Variants in OCRL observed in about 807,000 individuals in gnomAD.
OCRL encodes the protein inositol polyphosphate 5-phosphatase OCRL.
In OCRL, 8 loss-of-function variants were observed where a neutral mutation model predicts 78.9. The ratio of observed to expected loss-of-function variants is 0.10; its 90% CI spans 0.06 to 0.18. OCRL has a LOEUF of 0.18. Among genes scored for constraint, OCRL ranks in the 10% least tolerant of loss-of-function variants. The pLI, the probability that OCRL is intolerant of heterozygous loss-of-function variation, is 1.00. For synonymous variants in OCRL, 240 were observed against 235.4 expected, an observed-to-expected ratio of 1.02 and a Z score of -0.18; for missense variants, 454 against 696.7, an observed-to-expected ratio of 0.65 and a Z score of 3.92.
At chrX:129,588,323 C>T (rs1357466024) in intron 21 of OCRL, 60 bp downstream of exon 21, 32 of 808,723 alleles carry the variant, frequency 4.0e-5, no homozygotes, top group Non-Finnish European at 6.0e-5. Flanking sequence ...CTCTTCTTCG[C>T]ACCTATATTT....
At chrX:129,551,561 A>C (rs1253859557) in intron 4 of OCRL, among the ~76,000 whole-genome samples, 2 of 111,297 alleles carry the variant, frequency 1.8e-5, no homozygotes, top group Admixed American at 1.9e-4. Flanking sequence ...CAGCCTCCCG[A>C]GTAGCTGGGA....
chrX:129,578,019 C>T (rs1936394293), intron 18 of OCRL, among the ~76,000 whole-genome samples: 1 of 111,054 alleles, frequency 9.0e-6, no homozygotes, highest in Non-Finnish European at 1.9e-5. Context: ...ATGGAAAGAA[C>T]AGTACAACAC....
At chrX:129,582,666 A>G (rs1936458335) in intron 18 of OCRL, among the ~76,000 whole-genome samples, 1 of 112,317 alleles carries the variant, frequency 8.9e-6, no homozygotes, top group African/African-American at 3.2e-5. Context: ...TCGTAATTAT[A>G]GTACTATAAA....
At chrX:129,546,945 G>A (rs887553164) in intron 3 of OCRL, among the ~76,000 whole-genome samples, 5 of 111,321 alleles carry the variant, frequency 4.5e-5, no homozygotes, top group East Asian at 2.8e-4. Context: ...GTGGCCAGGC[G>A]CGATGGCTTG....
chrX:129,565,256 C>T (rs1936201989), intron 12 of OCRL, among the ~76,000 whole-genome samples: 2 of 111,681 alleles, frequency 1.8e-5, no homozygotes, highest in African/African-American at 6.5e-5. Flanking sequence ...CTCCTTCCTG[C>T]CTGTAACTTG....
At chrX:129,558,510 T>TA in intron 6 of OCRL, 123 bp from the exon 7 acceptor site, 2 of 829,046 alleles carry the variant, frequency 2.4e-6, no homozygotes, top group Non-Finnish European at 1.8e-6. Context: ...TTTCTACCCT[T>TA]ATGATAGTTT....
chrX:129,547,503 T>C lies in OCRL; in HGVS notation c.200-1060T>C, dbSNP rs371148067. On this transcript the variant is annotated intron_variant, in intron 3 of 23. Coordinates refer to ENST00000371113, the MANE Select transcript of OCRL (RefSeq NM_000276.4). ...TCGTGCCACTGCACTCCAGCCTGGG[T>C]GACAGAGCAAGACTCCGTCTCAAAA... Among the ~76,000 whole-genome samples, 842 of 86,525 alleles carry C rather than the reference T, an allele frequency of 9.7e-3. 4 individuals carry two copies. The highest frequency in any genetic ancestry group is 0.016 in the Admixed American group (104 of 6,486). The allele number at this position is 86,525 out of a possible 115,157, so 75.1% of individuals were successfully genotyped here.
chrX:129,588,960 G>A lies in OCRL; in HGVS notation c.2416G>A (p.Glu806Lys), dbSNP rs369987331. 2.5e-6 allele frequency: 3 copies of A among 1,209,542 alleles called. No homozygotes were observed. Among genetic ancestry groups the A allele is most frequent in the African/African-American group, 3.5e-5 (2 of 57,199 alleles). The change falls in exon 22 of 24, where the codon GAG (glutamate) becomes AAG (lysine). Residue 806 changes from glutamate to lysine, a missense_variant. Coordinates refer to ENST00000371113, the MANE Select transcript of OCRL (RefSeq NM_000276.4). ...CCTGCCAGAGCCAGTCATCTGTTAC[G>A]AGCTGTATCAGCGATGTCTTGACTC... ...EALPEPVICYELYQRCLDSAY... is the reference protein window; with the variant it reads ...EALPEPVICYKLYQRCLDSAY...
Position 129,562,364 on chromosome X carries a change from TAACTCCCCGG to T in OCRL, c.940-14_940-5del. On this transcript the variant is annotated splice_polypyrimidine_tract_variant and intron_variant, in intron 10 of 23. Transcript: ENST00000371113. ...GATTGGTATTAACATTAACCTTTTG[TAACTCCCCGG>T]AACTCATAGGTTCAACTGGTGCGCC... 1 of 1,136,092 alleles carries T rather than the reference TAACTCCCCGG, an allele frequency of 8.8e-7. No homozygotes were observed. The highest frequency in any genetic ancestry group is 1.2e-6 in the Non-Finnish European group (1 of 826,422). The allele number at this position is 1,136,092 out of a possible 1,213,427, so 93.6% of individuals were successfully genotyped here. A position where few individuals can be genotyped will look rare whatever the true frequency, so the allele number is the denominator to read the frequency against.
At chrX:129,562,977 G>A (rs1202164581) in intron 12 of OCRL, among the ~76,000 whole-genome samples, 191 bp downstream of exon 12, 2 of 111,956 alleles carry the variant, frequency 1.8e-5, no homozygotes, top group African/African-American at 3.2e-5. Flanking sequence ...TGATATCAGA[G>A]GAAAAGATAG....
intron 18 of OCRL, among the ~76,000 whole-genome samples, chrX:129,583,610 G>C (rs749439689): frequency 2.7e-5 from 3 of 111,903 alleles, no homozygotes; most frequent in Admixed American, 1.9e-4. Flanking sequence ...CTCCCTAAGT[G>C]GTGGTGGTAG....
Position 129,588,223 on chromosome X carries a change from G to A in OCRL, c.2301G>A (p.Gln767=), listed in dbSNP as rs1216069171. 1.7e-6 allele frequency: 2 copies of A among 1,208,667 alleles called. No individual in the cohort carries two copies. Among genetic ancestry groups the A allele is most frequent in the East Asian group, 5.9e-5 (2 of 33,818 alleles). The part of the protein sequence containing the change: ...QTPGMQEELQ[Q]IIDCLDTSIP... ...CTGGAATGCAGGAAGAGCTCCAGCAGATCATTGATTGTCTGGATACCAGCA... is the reference window on the plus strand; with the variant it reads ...CTGGAATGCAGGAAGAGCTCCAGCAAATCATTGATTGTCTGGATACCAGCA... Residue 767 remains glutamine (Q), a synonymous_variant, in exon 21 of 24, where the codon CAG becomes CAA. Coordinates refer to ENST00000371113, the MANE Select transcript of OCRL (RefSeq NM_000276.4).
In OCRL at chrX:129,562,445, G is replaced by A. The variant is rs767960951; in HGVS notation, c.1001G>A (p.Arg334Gln). The A allele has an allele frequency of 2.2e-5, 26 of 1,209,123 alleles. No individual in the cohort carries two copies. The highest frequency in any genetic ancestry group is 2.8e-5 in the Non-Finnish European group (25 of 894,437). Residue 334 changes from arginine to glutamine, a missense_variant, in exon 11 of 24, where the codon CGA (arginine) becomes CAA (glutamine). Coordinates refer to ENST00000371113, the MANE Select transcript of OCRL (RefSeq NM_000276.4). ...ATATTTGCCAGAAAGGATCAGTGTC[G>A]ATACATTCGTGATATTGCTACAGAA... is the stretch of plus-strand genomic sequence containing the variant. ...LLIFARKDQC[R>Q]YIRDIATETV...
intron 19 of OCRL, among the ~76,000 whole-genome samples, chrX:129,586,345 G>A (rs1936511799): frequency 9.0e-6 from 1 of 111,708 alleles, no homozygotes; most frequent in Non-Finnish European, 1.9e-5. Context: ...TAAACTTTTC[G>A]TGGTATTTCT....
chrX:129,575,699 C>T, intron 16 of OCRL, 198 bp from the exon 17 acceptor site: 1 of 478,436 alleles, frequency 2.1e-6, no homozygotes, highest in East Asian at 3.7e-5. Flanking sequence ...GCAAGAGCCA[C>T]CTAACTCCTT....
chrX:129,540,537 G>T, intron 1 of OCRL, 59 bp downstream of exon 1: 1 of 1,097,099 alleles, frequency 9.1e-7, no homozygotes. Context: ...GGGGGTCGGG[G>T]GCCCTGCGGA....
intron 18 of OCRL, among the ~76,000 whole-genome samples, chrX:129,579,613 A>G (rs1239774655): frequency 8.9e-6 from 1 of 111,809 alleles, no homozygotes; most frequent in Non-Finnish European, 1.9e-5. Context: ...TGACTTTGCC[A>G]CTCCTAGAAT....
intron 18 of OCRL, among the ~76,000 whole-genome samples, chrX:129,583,538 A>G (rs1936471459): frequency 8.9e-6 from 1 of 111,909 alleles, no homozygotes; most frequent in African/African-American, 3.2e-5. Flanking sequence ...TACTTTGCAC[A>G]TGTGTACAGA....
intron 12 of OCRL, 41 bp from the exon 13 acceptor site, chrX:129,565,731 G>A (rs1455953739): frequency 2.0e-6 from 2 of 1,007,988 alleles, no homozygotes; most frequent in Admixed American, 4.4e-5. Flanking sequence ...TTTTTTTTAT[G>A]CTAATCGCTA....
Sources: allele counts gnomAD v4.1 joint callset (sites outside exome capture counted in the v4.1 genomes callset), GRCh38; gene constraint gnomAD v4.1.1; transcripts MANE v1.5; gene names NCBI Gene and HGNC (gene_info 2026-07-23, HGNC 2026-07-21).